The following IFT43 variants were observed in gnomAD, a reference collection of about 807,000 sequenced individuals.
The protein encoded by IFT43 is intraflagellar transport protein 43 homolog.
In IFT43, 33 loss-of-function variants were observed where a neutral mutation model predicts 32.3. That is an observed-to-expected ratio of 1.02 (90% CI 0.77 to 1.37). The LOEUF is 1.37. IFT43 is among the 40% of genes most tolerant of loss of function. The pLI is 0.00. For synonymous variants in IFT43, 93 were observed against 98.2 expected (o/e 0.95, Z 0.31); for missense variants, 274 against 265.9 (o/e 1.03, Z -0.21).
At chr14:75,987,643 G>T (rs529314863) in intron 1 of IFT43, among the ~76,000 whole-genome samples, 2 of 152,268 alleles carry the variant, frequency 1.3e-5, no homozygotes, top group Admixed American at 1.3e-4. Flanking sequence ...AGATCTAAAA[G>T]TGCTTATATT....
chr14:76,052,389 G>C (rs1835545485), intron 3 of IFT43, among the ~76,000 whole-genome samples: 1 of 152,218 alleles, frequency 6.6e-6, no homozygotes, highest in Non-Finnish European at 1.5e-5. Flanking sequence ...GGCCTCTTCT[G>C]TCTGGTGAAG....
At chr14:76,020,558 G>A (rs1288447688) in intron 2 of IFT43, among the ~76,000 whole-genome samples, 3 of 151,726 alleles carry the variant, frequency 2.0e-5, no homozygotes, top group African/African-American at 7.3e-5. Flanking sequence ...TGTTGGTAGG[G>A]TGGGGTGCTT....
At chr14:76,054,136 G>C (rs1409038709) in intron 3 of IFT43, among the ~76,000 whole-genome samples, 1 of 152,196 alleles carries the variant, frequency 6.6e-6, no homozygotes, top group Non-Finnish European at 1.5e-5. Context: ...TACGTGACTA[G>C]GTCCCATTTC....
At chr14:76,017,909 T>G (rs1025824370) in intron 2 of IFT43, among the ~76,000 whole-genome samples, 1 of 152,112 alleles carries the variant, frequency 6.6e-6, no homozygotes, top group African/African-American at 2.4e-5. Flanking sequence ...TCTTTTCTCA[T>G]TTATGATTTT....
chr14:76,079,925 G>T (rs560173614), intron 5 of IFT43, among the ~76,000 whole-genome samples: 4 of 151,838 alleles, frequency 2.6e-5, no homozygotes, highest in African/African-American at 4.8e-5. Flanking sequence ...CATGGTATAC[G>T]TGAGAGTGGG....
chr14:75,985,905 GC>G, intron 1 of IFT43, 65 bp downstream of exon 1: 1 of 1,589,402 alleles, frequency 6.3e-7, no homozygotes, highest in Non-Finnish European at 8.6e-7. Flanking sequence ...GACCCCGCCG[GC>G]CCCGACTTCT....
chr14:76,009,224 G>C (rs905530279), intron 2 of IFT43, among the ~76,000 whole-genome samples: 2 of 152,142 alleles, frequency 1.3e-5, no homozygotes, highest in African/African-American at 4.8e-5. Flanking sequence ...AGACACACCT[G>C]GGTTTGAATC....
intron 2 of IFT43, among the ~76,000 whole-genome samples, chr14:76,015,182 G>T (rs751067997): frequency 1.1e-4 from 16 of 152,196 alleles, no homozygotes; most frequent in Non-Finnish European, 2.2e-4. Context: ...CAGGGTATTT[G>T]TGTGTGCCCC....
chr14:76,023,666 C>T (rs1394728009), intron 3 of IFT43, among the ~76,000 whole-genome samples: 1 of 152,192 alleles, frequency 6.6e-6, no homozygotes, highest in South Asian at 2.1e-4. Flanking sequence ...TTCTCACAGG[C>T]ATTCTGGCAG....
intron 1 of IFT43, among the ~76,000 whole-genome samples, chr14:75,986,489 G>T (rs2035531952): frequency 6.6e-6 from 1 of 151,814 alleles, no homozygotes; most frequent in Non-Finnish European, 1.5e-5. Context: ...ACCTTTCCGA[G>T]CCTTGGTTTC....
intron 2 of IFT43, among the ~76,000 whole-genome samples, chr14:76,016,949 C>G (rs2036199609): frequency 6.6e-6 from 1 of 152,046 alleles, no homozygotes; most frequent in Non-Finnish European, 1.5e-5. Flanking sequence ...TTTTTTGATG[C>G]AATCTTTAGG....
chr14:76,078,995 T>A (rs2140093736), intron 5 of IFT43, among the ~76,000 whole-genome samples: 1 of 152,302 alleles, frequency 6.6e-6, no homozygotes, highest in African/African-American at 2.4e-5. Flanking sequence ...AGCATATCTC[T>A]AGTTATTGGA....
chr14:75,986,866 G>T (rs2035540256), intron 1 of IFT43, among the ~76,000 whole-genome samples: 1 of 152,158 alleles, frequency 6.6e-6, no homozygotes, highest in African/African-American at 2.4e-5. Flanking sequence ...TAGTACCTGG[G>T]GATGTGAATG....
intron 3 of IFT43, among the ~76,000 whole-genome samples, chr14:76,025,839 A>G (rs1392834944): frequency 1.3e-5 from 2 of 152,232 alleles, no homozygotes; most frequent in African/African-American, 4.8e-5. Flanking sequence ...CCAAAAATAT[A>G]AAAACTCTGG....
rs1029185882 is a variant in IFT43 at position 76,083,697 on chromosome 14, A to G, written c.*120A>G. On this transcript the variant is annotated 3_prime_UTR_variant, in exon 9 of 9. Transcript: ENST00000314067. Reference sequence around the variant, plus strand: ...TAATAAAAATATTTATATTCAGTCAACCACATTGGATAATTCAATTGCAAT... The same window carrying G: ...TAATAAAAATATTTATATTCAGTCAGCCACATTGGATAATTCAATTGCAAT... The G allele has an allele frequency of 7.1e-5, 66 of 931,060 alleles. No individual in the cohort carries two copies. Among genetic ancestry groups the G allele is most frequent in the Admixed American group, 1.8e-4 (9 of 49,824 alleles). The allele number at this position is 931,060 out of a possible 1,614,324, so 57.7% of individuals were successfully genotyped here. A position where few individuals can be genotyped will look rare whatever the true frequency, so the allele number is the denominator to read the frequency against.
intron 2 of IFT43, among the ~76,000 whole-genome samples, chr14:75,999,484 C>G (rs1053299219): frequency 1.3e-5 from 2 of 151,222 alleles, no homozygotes; most frequent in Non-Finnish European, 2.9e-5. Context: ...CATTCATTTA[C>G]TTATTTATCC....
rs1302030091 is a variant in IFT43, at chr14:75,986,465, T to TA, written c.54+631dup. 4.2e-5 allele frequency among the ~76,000 whole-genome samples: 6 copies of TA among 142,108 alleles called. No individual in the cohort carries two copies. The East Asian group carries it at 1.2e-3, about 29-fold the overall frequency. 93.2% of individuals were successfully genotyped at this position (142,108 alleles called of 152,430 possible). On this transcript the variant is annotated intron_variant, in intron 1 of 8. Coordinates refer to ENST00000314067, the MANE Select transcript of IFT43 (RefSeq NM_001102564.3). ...TGGGTTCAAAAAAAAAAAAAAAACCTAAAAAACGATTTAACCTTTCCGAGC... is the reference window on the plus strand; with the variant it reads ...TGGGTTCAAAAAAAAAAAAAAAACCTAAAAAAACGATTTAACCTTTCCGAGC...
chr14:76,083,244 G>C lies in IFT43; in HGVS notation c.462G>C (p.Leu154=), dbSNP rs747917134. 2.5e-6 allele frequency: 4 copies of C among 1,614,148 alleles called. No homozygotes were observed. The South Asian group carries it at 4.4e-5, about 18-fold the overall frequency. Residue 154 remains leucine, a synonymous_variant, in exon 8 of 9, where the codon CTG becomes CTC. Coordinates refer to ENST00000314067, the MANE Select transcript of IFT43 (RefSeq NM_001102564.3). ...AIQTLDGEID[L]KLLTKVLAPE... ...ATTCACAGGATGGGGAGATCGACCTGAAACTCCTCACCAAAGTGCTCGCGC... is the reference window on the plus strand; with the variant it reads ...ATTCACAGGATGGGGAGATCGACCTCAAACTCCTCACCAAAGTGCTCGCGC...
chr14:76,010,652 C>T (rs759967430), intron 2 of IFT43, among the ~76,000 whole-genome samples: 2 of 151,868 alleles, frequency 1.3e-5, no homozygotes, highest in African/African-American at 4.8e-5. Context: ...GGCATCATAA[C>T]ATGTTACTTA....
Sources: allele counts gnomAD v4.1 joint callset (sites outside exome capture counted in the v4.1 genomes callset), GRCh38; gene constraint gnomAD v4.1.1; transcripts MANE v1.5; gene names NCBI Gene and HGNC (gene_info 2026-07-23, HGNC 2026-07-21).